KIF13B: variants seen among roughly 807,000 people sequenced by gnomAD.
KIF13B encodes the protein kinesin family member 13B.
In KIF13B, 127 loss-of-function variants were observed where a neutral mutation model predicts 222.0. The observed-to-expected ratio is 0.57, with a 90% CI of 0.50 to 0.66. The LOEUF (loss-of-function observed/expected upper bound fraction) is 0.66. Ranked by LOEUF, KIF13B falls within the 30% of genes least tolerant of loss-of-function variation. KIF13B has a pLI of 0.00. For missense variants in KIF13B, 2,173 were observed against 2,379.0 expected (o/e 0.91, Z 1.80); for synonymous variants, 976 against 919.0 (o/e 1.06, Z -1.12).
At chr8:29,072,987 A>C (rs990573539) in intron 38 of KIF13B, among the ~76,000 whole-genome samples, 3 of 151,796 alleles carry the variant, frequency 2.0e-5, no homozygotes, top group East Asian at 3.9e-4. Context: ...CACACTCAGC[A>C]CAGCCTGGCC....
intron 2 of KIF13B, among the ~76,000 whole-genome samples, chr8:29,233,776 C>A (rs928290428): frequency 6.6e-5 from 10 of 152,168 alleles, no homozygotes; most frequent in African/African-American, 2.4e-4. Flanking sequence ...ACTGCTTGAG[C>A]CCAGGAGTTC....
At chr8:29,135,562 G>GCC (rs1379296845) in intron 21 of KIF13B, among the ~76,000 whole-genome samples, 1 of 152,128 alleles carries the variant, frequency 6.6e-6, no homozygotes, top group East Asian at 1.9e-4. Context: ...AGTAAATACA[G>GCC]TTAATGAAAA....
At chr8:29,213,805 A>AG (rs1163454390) in intron 2 of KIF13B, among the ~76,000 whole-genome samples, 9 of 151,840 alleles carry the variant, frequency 5.9e-5, no homozygotes, top group African/African-American at 2.2e-4. Flanking sequence ...AAAAAAAAAA[A>AG]TAGCCAGGTG....
At chr8:29,144,356 CAA>C (rs1287544993) in intron 18 of KIF13B, among the ~76,000 whole-genome samples, 1 of 152,076 alleles carries the variant, frequency 6.6e-6, no homozygotes, top group Non-Finnish European at 1.5e-5. Flanking sequence ...CGCCTGGGTT[CAA>C]GTGATTCTCC....
At chr8:29,147,719 G>A in intron 16 of KIF13B, 117 bp from the exon 17 acceptor site, 1 of 754,302 alleles carries the variant, frequency 1.3e-6, no homozygotes, top group Non-Finnish European at 2.1e-6. Context: ...ATACTTTAAA[G>A]ACAATTTGGC....
intron 1 of KIF13B, among the ~76,000 whole-genome samples, chr8:29,247,529 A>G (rs1401470456): frequency 3.9e-5 from 6 of 152,200 alleles, no homozygotes; most frequent in African/African-American, 1.4e-4. Flanking sequence ...TTACAACTCA[A>G]TAATAAAAAG....
intron 29 of KIF13B, among the ~76,000 whole-genome samples, chr8:29,120,166 G>GTTTTTTT (rs57731633): frequency 2.0e-5 from 2 of 102,372 alleles, no homozygotes; most frequent in Admixed American, 1.0e-4. Flanking sequence ...AAAAATGACA[G>GTTTTTTT]TTTTTTTTTT....
chr8:29,190,628 G>C (rs1166159014), intron 4 of KIF13B: 1 of 206,220 alleles, frequency 4.8e-6, no homozygotes, highest in Non-Finnish European at 9.8e-6. Context: ...CCAAAGAGGA[G>C]GTTGTGGGAA....
intron 1 of KIF13B, among the ~76,000 whole-genome samples, chr8:29,252,524 C>T (rs886981540): frequency 1.3e-5 from 2 of 152,318 alleles, no homozygotes; most frequent in African/African-American, 2.4e-5. Flanking sequence ...TCCTAAATAT[C>T]TAACTATAAT....
rs574172541 is a variant in KIF13B at position 29,191,083 on chromosome 8, G to T, written c.163-26C>A. 3.4e-5 allele frequency: 53 copies of T among 1,570,184 alleles called. No individual in the cohort carries two copies. The South Asian group carries it at 6.1e-4, about 18-fold the overall frequency. On this transcript the variant is annotated intron_variant, in intron 3 of 39. Transcript: ENST00000524189. ...CTGTTGAAAATGAACATAAGTGTGT[G>T]TTAAGAAAACCTCAACATTACTTAT...
At chr8:29,135,237 G>A (rs1024470309) in intron 21 of KIF13B, among the ~76,000 whole-genome samples, 12 of 151,944 alleles carry the variant, frequency 7.9e-5, no homozygotes, top group African/African-American at 2.9e-4. Context: ...TAGAGATGAG[G>A]TCTCACCATG....
At chr8:29,250,864 GAATTA>G (rs1174940164) in intron 1 of KIF13B, among the ~76,000 whole-genome samples, 1 of 152,228 alleles carries the variant, frequency 6.6e-6, no homozygotes, top group East Asian at 1.9e-4. Flanking sequence ...GTTACTAGTT[GAATTA>G]AATTGTGTTG....
In KIF13B at chr8:29,112,143, T is replaced by C. The variant is rs527326710; in HGVS notation, c.3930+1320A>G. 7.2e-5 allele frequency among the ~76,000 whole-genome samples: 11 copies of C among 152,294 alleles called. No individual in the cohort carries two copies. In the South Asian group the frequency reaches 1.4e-3, roughly 20 times the overall value. On this transcript the variant is annotated intron_variant, in intron 32 of 39. Coordinates refer to ENST00000524189, the MANE Select transcript of KIF13B (RefSeq NM_015254.4). ...AAGAAAGCCTAAGTACCATGTAATA[T>C]TTTTCTTTTCCAAAAGCTGATCTCC...
chr8:29,150,722 A>G (rs1811259653), intron 14 of KIF13B, among the ~76,000 whole-genome samples: 1 of 152,180 alleles, frequency 6.6e-6, no homozygotes, highest in Admixed American at 6.5e-5. Context: ...GAGGTCTGTG[A>G]TAAGGGACCT....
At chr8:29,128,922 C>T (rs1810229847) in intron 24 of KIF13B, among the ~76,000 whole-genome samples, 2 of 152,200 alleles carry the variant, frequency 1.3e-5, no homozygotes, top group African/African-American at 4.8e-5. Flanking sequence ...GCCTAGCATT[C>T]AAGGCCCTCC....
At position 29,109,414 on chromosome 8, in the gene KIF13B, G is replaced by A; in HGVS notation, c.4161+20C>T. 1.3e-6 allele frequency: 2 copies of A among 1,591,678 alleles called. No homozygotes were observed. Among genetic ancestry groups the A allele is most frequent in the South Asian group, 2.2e-5 (2 of 90,640 alleles). On this transcript the variant is annotated intron_variant, in intron 34 of 39. Transcript: ENST00000524189. ...AGAGAAGTCCCAGGCACAGCACAGA[G>A]CTTGGTTCCACACACTCACTCTGTT... is the stretch of plus-strand genomic sequence containing the variant.
At chr8:29,114,145 T>G (rs550850116) in intron 31 of KIF13B, among the ~76,000 whole-genome samples, 2 of 152,164 alleles carry the variant, frequency 1.3e-5, no homozygotes, top group Non-Finnish European at 2.9e-5. Context: ...CTGAACACCC[T>G]GCAGAGGTTG....
At chr8:29,212,835 C>T (rs974388595) in intron 2 of KIF13B, among the ~76,000 whole-genome samples, 1 of 148,740 alleles carries the variant, frequency 6.7e-6, no homozygotes, top group Non-Finnish European at 1.5e-5. Flanking sequence ...AATGTTCATA[C>T]TAGATAACAC....
At chr8:29,183,830 A>T (rs1360056142) in intron 6 of KIF13B, among the ~76,000 whole-genome samples, 2 of 152,218 alleles carry the variant, frequency 1.3e-5, no homozygotes, top group Non-Finnish European at 2.9e-5. Flanking sequence ...CTAAGAAGGC[A>T]GGAGAGGAAG....
Sources: allele counts gnomAD v4.1 joint callset (sites outside exome capture counted in the v4.1 genomes callset), GRCh38; gene constraint gnomAD v4.1.1; transcripts MANE v1.5; gene names NCBI Gene and HGNC (gene_info 2026-07-23, HGNC 2026-07-21).